The following NOSTRIN variants were observed in gnomAD, a reference collection of about 807,000 sequenced individuals.
NOSTRIN encodes the protein nitric oxide synthase trafficking.
A neutral mutation model predicts 59.0 loss-of-function variants in NOSTRIN; 63 were observed. The ratio of observed to expected loss-of-function variants is 1.07; its 90% CI spans 0.87 to 1.32. The LOEUF is 1.32. Ranked by LOEUF, NOSTRIN falls within the 40% of genes most tolerant of loss-of-function variation. The probability of loss-of-function intolerance (pLI) is 0.00; values close to 1 mark genes in which losing one functional copy is unlikely to be tolerated. For synonymous variants in NOSTRIN, 200 were observed against 165.4 expected (o/e 1.21, Z -1.61); for missense variants, 512 against 473.1 (o/e 1.08, Z -0.76).
intron 7 of NOSTRIN, among the ~76,000 whole-genome samples, chr2:168,837,311 T>TC (rs1403637122): frequency 7.8e-6 from 1 of 128,522 alleles, no homozygotes; most frequent in African/African-American, 2.9e-5. Context: ...TTTTTTTTTT[T>TC]TTTTTTTTTT....
At chr2:168,795,322 G>A (rs1685451860), upstream of NOSTRIN, among the ~76,000 whole-genome samples, 4 of 152,272 alleles carry the variant, frequency 2.6e-5, 1 homozygote, top group South Asian at 8.3e-4. Flanking sequence ...TGGAAGTAAT[G>A]GCACATAAAT....
At chr2:168,806,209 TTGTGTTAAATTTAAGGGGAATATCA>T (rs1685844223) in intron 1 of NOSTRIN, among the ~76,000 whole-genome samples, 1 of 152,176 alleles carries the variant, frequency 6.6e-6, no homozygotes, top group Non-Finnish European at 1.5e-5. Flanking sequence ...GCAAAGTTCA[TTGTGTTAAATTTAAGGGGAATATCA>T]TGGTTTCTTT....
chr2:168,795,469 T>C (rs1396285338), upstream of NOSTRIN, among the ~76,000 whole-genome samples: 1 of 152,242 alleles, frequency 6.6e-6, no homozygotes, highest in East Asian at 1.9e-4. Context: ...TGTTAATTAG[T>C]TGTCCATTAG....
Position 168,850,873 on chromosome 2 carries a change from A to G in NOSTRIN, c.631-211A>G, listed in dbSNP as rs781683392. The G allele has an allele frequency of 7.5e-6, 6 of 796,598 alleles. No homozygotes were observed. Among genetic ancestry groups the G allele is most frequent in the Non-Finnish European group, 1.1e-5 (5 of 468,946 alleles). 49.3% of individuals were successfully genotyped at this position (796,598 alleles called of 1,614,324 possible). ...ATCTGCCTATATGCCTTTTGGGTCA[A>G]AAGAGCCTGGGGAAAGTGTGTGAGT... On this transcript the variant is annotated intron_variant, in intron 8 of 15. Transcript: ENST00000317647.
intron 7 of NOSTRIN, among the ~76,000 whole-genome samples, chr2:168,836,048 C>T (rs1687699277): frequency 6.6e-6 from 1 of 152,226 alleles, no homozygotes; most frequent in African/African-American, 2.4e-5. Context: ...ATTGTCATCA[C>T]CAGTAGCTCT....
In NOSTRIN at chr2:168,803,247, G is replaced by C. The variant is rs573370781; in HGVS notation, c.27+574G>C. 3.3e-5 allele frequency among the ~76,000 whole-genome samples: 5 copies of C among 152,302 alleles called. No homozygotes were observed. In the South Asian group the frequency reaches 1.0e-3, roughly 32 times the overall value. On this transcript the variant is annotated intron_variant, in intron 1 of 15. Transcript: ENST00000317647. Reference sequence around the variant, plus strand: ...GTTTGGAGCACTACCAAAAATATAAGTTTGGTCAGAAGTCCAAAGACATTG... The same window carrying C: ...GTTTGGAGCACTACCAAAAATATAACTTTGGTCAGAAGTCCAAAGACATTG...
At chr2:168,840,529 CAAAAA>C (rs59235003) in intron 7 of NOSTRIN, among the ~76,000 whole-genome samples, 1 of 99,324 alleles carries the variant, frequency 1.0e-5, no homozygotes, top group Admixed American at 1.3e-4. Context: ...GACTCCATCT[CAAAAA>C]AAAAAAAAAA....
chr2:168,839,787 G>A (rs1687952317), intron 7 of NOSTRIN, among the ~76,000 whole-genome samples: 1 of 150,930 alleles, frequency 6.6e-6, no homozygotes, highest in South Asian at 2.1e-4. Flanking sequence ...TCGGGAGGCT[G>A]AGGCAGGCGA....
At chr2:168,839,149 C>T (rs1049544229) in intron 7 of NOSTRIN, among the ~76,000 whole-genome samples, 11 of 152,146 alleles carry the variant, frequency 7.2e-5, no homozygotes, top group Non-Finnish European at 1.5e-4. Flanking sequence ...ATCTCTTCAA[C>T]ATCACCTCTC....
upstream of NOSTRIN, chr2:168,802,568 C>T (rs575577396): frequency 1.2e-6 from 1 of 838,738 alleles, no homozygotes; most frequent in African/African-American, 1.6e-5. Context: ...CCCGGAAGTC[C>T]AGGACACACC....
rs146679390 is a variant in NOSTRIN, at chr2:168,826,136, G to A, written c.197+1419G>A. ...AGAATTAAATACGGTAATATAAGACGTGTGCTTAGCAGAGTACCTGGCAGG... is the reference window on the plus strand; with the variant it reads ...AGAATTAAATACGGTAATATAAGACATGTGCTTAGCAGAGTACCTGGCAGG... On this transcript the variant is annotated intron_variant, in intron 3 of 15. Transcript: ENST00000317647. Among the ~76,000 whole-genome samples, 267 of 152,276 alleles carry A rather than the reference G, an allele frequency of 1.8e-3. 2 individuals are homozygous for A. Among genetic ancestry groups the A allele is most frequent in the African/African-American group, 6.0e-3 (249 of 41,554 alleles).
chr2:168,856,677 A>G lies in NOSTRIN; in HGVS notation c.965-13A>G, dbSNP rs1689142122. The G allele has an allele frequency of 1.2e-6, 2 of 1,613,104 alleles. No homozygotes were observed. Among genetic ancestry groups the G allele is most frequent in the South Asian group, 1.1e-5 (1 of 91,046 alleles). On this transcript the variant is annotated splice_polypyrimidine_tract_variant and intron_variant, in intron 11 of 15. Coordinates refer to ENST00000317647, the MANE Select transcript of NOSTRIN (RefSeq NM_001039724.4). ...AGTGTGAAAGGTGACTGAGAACATGATTTCATTTTCAGGCCTGGAACGAAT... is the reference window on the plus strand; with the variant it reads ...AGTGTGAAAGGTGACTGAGAACATGGTTTCATTTTCAGGCCTGGAACGAAT...
chr2:168,844,593 T>G (rs1031955992), intron 8 of NOSTRIN, among the ~76,000 whole-genome samples: 25 of 152,118 alleles, frequency 1.6e-4, no homozygotes, highest in African/African-American at 6.0e-4. Flanking sequence ...GGTTTAAGAT[T>G]CAGCCTGGGC....
chr2:168,808,137 C>T (rs1322894298), intron 1 of NOSTRIN, among the ~76,000 whole-genome samples: 1 of 152,204 alleles, frequency 6.6e-6, no homozygotes, highest in Non-Finnish European at 1.5e-5. Context: ...GGAAATGCAG[C>T]AGCCCCTGTA....
chr2:168,841,575 G>T (rs1688110368), intron 7 of NOSTRIN, among the ~76,000 whole-genome samples: 1 of 152,072 alleles, frequency 6.6e-6, no homozygotes, highest in African/African-American at 2.4e-5. Flanking sequence ...GTGAACATTG[G>T]GCATGTATCT....
At chr2:168,859,150 C>T (rs111906828) in intron 12 of NOSTRIN, 9 of 178,852 alleles carry the variant, frequency 5.0e-5, no homozygotes, top group African/African-American at 1.9e-4. Flanking sequence ...TGATGGCTCA[C>T]CTTCTTCGCA....
rs534738987 is a variant in NOSTRIN at position 168,807,281 on chromosome 2, C to G, written c.28-4286C>G. 3.8e-4 allele frequency among the ~76,000 whole-genome samples: 58 copies of G among 151,894 alleles called. 1 individual carries two copies. Among genetic ancestry groups the G allele is most frequent in the Middle Eastern group, 6.8e-3 (2 of 294 alleles). On this transcript the variant is annotated intron_variant, in intron 1 of 15. Transcript: ENST00000317647. Reference sequence around the variant, plus strand: ...ACACACACATACATACACACACACACAGAGAGAGAGAGAACTATATGGTCT... The same window carrying G: ...ACACACACATACATACACACACACAGAGAGAGAGAGAGAACTATATGGTCT...
chr2:168,855,903 C>G (rs1392448892), intron 11 of NOSTRIN: 2 of 452,838 alleles, frequency 4.4e-6, no homozygotes, highest in Non-Finnish European at 8.8e-6. Context: ...GCATGTCAGA[C>G]TGTGAAGCAG....
intron 13 of NOSTRIN, among the ~76,000 whole-genome samples, chr2:168,860,296 T>C (rs565048502): frequency 1.3e-5 from 2 of 152,338 alleles, no homozygotes; most frequent in South Asian, 4.1e-4. Flanking sequence ...AATTGTGTAA[T>C]TGTGAAAATA....
Sources: allele counts gnomAD v4.1 joint callset (sites outside exome capture counted in the v4.1 genomes callset), GRCh38; gene constraint gnomAD v4.1.1; transcripts MANE v1.5; gene names NCBI Gene and HGNC (gene_info 2026-07-23, HGNC 2026-07-21).